The following SLC25A12 variants were observed in gnomAD, a reference collection of about 807,000 sequenced individuals.
SLC25A12 encodes the protein electrogenic aspartate/glutamate antiporter SLC25A12, mitochondrial.
In SLC25A12, 32 loss-of-function variants were observed where a neutral mutation model predicts 83.3. The ratio of observed to expected loss-of-function variants is 0.38; its 90% CI spans 0.29 to 0.52. SLC25A12 has a LOEUF of 0.52. Among genes scored for constraint, SLC25A12 ranks in the 20% least tolerant of loss-of-function variants. The probability of loss-of-function intolerance (pLI) is 0.84; values close to 1 mark genes in which losing one functional copy is unlikely to be tolerated. For missense variants in SLC25A12, 611 were observed against 835.6 expected, an observed-to-expected ratio of 0.73 and a Z score of 3.31; for synonymous variants, 267 against 291.1, an observed-to-expected ratio of 0.92 and a Z score of 0.84.
chr2:171,875,840 G>C (rs552923825), intron 2 of SLC25A12, among the ~76,000 whole-genome samples: 24 of 151,046 alleles, frequency 1.6e-4, no homozygotes, highest in Admixed American at 1.5e-3. Context: ...GTTAACCCGG[G>C]CGGCGGAGCT....
At chr2:171,817,126 G>C (rs552137959) in intron 9 of SLC25A12, among the ~76,000 whole-genome samples, 1 of 152,252 alleles carries the variant, frequency 6.6e-6, no homozygotes, top group African/African-American at 2.4e-5. Context: ...GAATCGGCCA[G>C]CACCTTGATC....
intron 9 of SLC25A12, among the ~76,000 whole-genome samples, chr2:171,822,560 T>C (rs971723004): frequency 2.6e-5 from 4 of 152,136 alleles, no homozygotes; most frequent in African/African-American, 9.7e-5. Context: ...ATTTTTTGTA[T>C]GTTTTTTTAG....
chr2:171,846,921 C>T (rs1684809011), intron 4 of SLC25A12, among the ~76,000 whole-genome samples: 1 of 152,178 alleles, frequency 6.6e-6, no homozygotes, highest in East Asian at 1.9e-4. Flanking sequence ...ATTTCATAAA[C>T]TTCTTAGCCA....
rs143325439 is a variant in SLC25A12 at position 171,882,263 on chromosome 2, C to A, written c.66+10942G>T. Among the ~76,000 whole-genome samples, 682 of 152,282 alleles carry A rather than the reference C, an allele frequency of 4.5e-3. 7 individuals are homozygous for A. Among genetic ancestry groups the A allele is most frequent in the African/African-American group, 0.016 (646 of 41,552 alleles). On this transcript the variant is annotated intron_variant, in intron 2 of 17. Transcript: ENST00000422440. ...TGAACATACACACCTCCCTCACCCT[C>A]AATTTACACAGGTCATTCAAATGGG...
At chr2:171,809,980 A>T (rs769423850) in intron 12 of SLC25A12, among the ~76,000 whole-genome samples, 2 of 152,070 alleles carry the variant, frequency 1.3e-5, no homozygotes, top group Non-Finnish European at 2.9e-5. Flanking sequence ...ATCCTCCCAC[A>T]TCAGCCTCCT....
chr2:171,801,663 TCAGTA>T (rs913366669), intron 13 of SLC25A12, among the ~76,000 whole-genome samples: 8 of 152,226 alleles, frequency 5.3e-5, no homozygotes, highest in African/African-American at 1.7e-4. Context: ...TTTTTCACTT[TCAGTA>T]CAGTATTCAA....
chr2:171,800,538 T>C (rs909409769), intron 13 of SLC25A12, among the ~76,000 whole-genome samples: 2 of 152,212 alleles, frequency 1.3e-5, no homozygotes, highest in Non-Finnish European at 2.9e-5. Flanking sequence ...TAGGAGACTA[T>C]AAAATGATCC....
At chr2:171,860,050 T>C (rs946779606) in intron 3 of SLC25A12, among the ~76,000 whole-genome samples, 2 of 152,156 alleles carry the variant, frequency 1.3e-5, no homozygotes, top group Non-Finnish European at 2.9e-5. Context: ...ATTACAGCCA[T>C]GAGCCACTGC....
At chr2:171,874,642 C>G (rs955171675) in intron 2 of SLC25A12, among the ~76,000 whole-genome samples, 1 of 152,116 alleles carries the variant, frequency 6.6e-6, no homozygotes, top group African/African-American at 2.4e-5. Flanking sequence ...ATAAAAAACA[C>G]AAACACACAA....
At chr2:171,867,178 G>C (rs1325233424) in intron 3 of SLC25A12, among the ~76,000 whole-genome samples, 1 of 139,262 alleles carries the variant, frequency 7.2e-6, no homozygotes, top group Admixed American at 7.2e-5. Flanking sequence ...GGCTCCTCAC[G>C]TCCCAGACGA....
At chr2:171,877,930 T>C (rs921074025) in intron 2 of SLC25A12, among the ~76,000 whole-genome samples, 4 of 152,174 alleles carry the variant, frequency 2.6e-5, no homozygotes, top group Non-Finnish European at 5.9e-5. Flanking sequence ...TTCTGATGTG[T>C]TGTGACTAGA....
chr2:171,806,655 G>T (rs1022871754), intron 13 of SLC25A12, among the ~76,000 whole-genome samples: 3 of 152,084 alleles, frequency 2.0e-5, no homozygotes, highest in African/African-American at 7.3e-5. Flanking sequence ...GGAACTCAAG[G>T]CCTAGGTCCT....
chr2:171,797,002 T>C (rs1432897266), intron 13 of SLC25A12, among the ~76,000 whole-genome samples: 1 of 152,214 alleles, frequency 6.6e-6, no homozygotes, highest in Non-Finnish European at 1.5e-5. Context: ...GTTATCAAAC[T>C]CTTGAACTGG....
intron 13 of SLC25A12, among the ~76,000 whole-genome samples, chr2:171,795,532 C>A (rs544307943): frequency 6.6e-6 from 1 of 152,266 alleles, no homozygotes; most frequent in African/African-American, 2.4e-5. Context: ...GTTGCAAAGA[C>A]TATCTTAAAT....
intron 2 of SLC25A12, among the ~76,000 whole-genome samples, chr2:171,877,058 G>A (rs991099763): frequency 1.3e-5 from 2 of 152,176 alleles, no homozygotes; most frequent in Non-Finnish European, 2.9e-5. Flanking sequence ...AATTTACATT[G>A]AGTATAGTTA....
At chr2:171,853,536 C>T (rs771017796) in intron 4 of SLC25A12, among the ~76,000 whole-genome samples, 12 of 152,072 alleles carry the variant, frequency 7.9e-5, no homozygotes, top group Admixed American at 1.3e-4. Context: ...CAAAAATTAG[C>T]GAGGCGTGGT....
In SLC25A12 at chr2:171,851,817, G is replaced by A. The variant is rs911440004; in HGVS notation, c.325+4017C>T. Among the ~76,000 whole-genome samples the A allele has an allele frequency of 2.0e-5, 3 of 152,206 alleles. No individual in the cohort carries two copies. The East Asian group carries it at 5.8e-4, about 29-fold the overall frequency. On this transcript the variant is annotated intron_variant, in intron 4 of 17. Coordinates refer to ENST00000422440, the MANE Select transcript of SLC25A12 (RefSeq NM_003705.5). Reference sequence around the variant, plus strand: ...CCCAAACTGCTGGGATTACAGACATGAGTCACTGCTCCCGGCCTTTTTTTC... The same window carrying A: ...CCCAAACTGCTGGGATTACAGACATAAGTCACTGCTCCCGGCCTTTTTTTC...
At chr2:171,894,078 G>C in intron 1 of SLC25A12, 125 bp downstream of exon 1, 1 of 1,321,478 alleles carries the variant, frequency 7.6e-7, no homozygotes, top group South Asian at 1.3e-5. Context: ...GCAGCAAGCC[G>C]GAGCCCCAGG....
Position 171,834,088 on chromosome 2 carries a change from G to C in SLC25A12, c.752-32C>G, listed in dbSNP as rs1684505336. The C allele has an allele frequency of 2.4e-6, 3 of 1,247,396 alleles. No homozygotes were observed. In the African/African-American group the frequency reaches 4.4e-5, roughly 18 times the overall value. The allele number at this position is 1,247,396 out of a possible 1,614,324, so 77.3% of individuals were successfully genotyped here. On this transcript the variant is annotated intron_variant, in intron 7 of 17. Transcript: ENST00000422440. The stretch of plus-strand genomic sequence containing the variant: ...CAGAGAAAAAAAAAGTTAAAATCTT[G>C]AATGATTCTTAATATATAACAAAGT...
Sources: allele counts gnomAD v4.1 joint callset (sites outside exome capture counted in the v4.1 genomes callset), GRCh38; gene constraint gnomAD v4.1.1; transcripts MANE v1.5; gene names NCBI Gene and HGNC (gene_info 2026-07-23, HGNC 2026-07-21).